The following FAHD1 variants were observed in gnomAD, a reference collection of about 807,000 sequenced individuals.
The protein encoded by FAHD1 is FAH domain containing oxaloacetate decarboxylase 1.
FAHD1 carries 14 observed loss-of-function variants against 12.7 expected under a neutral mutation model. The observed-to-expected ratio is 1.10, with a 90% CI of 0.73 to 1.72. The LOEUF is 1.72. Among genes scored for constraint, FAHD1 ranks in the 40% most tolerant of loss-of-function variants. FAHD1 has a pLI of 0.00. For missense variants in FAHD1, 351 were observed against 298.9 expected (o/e 1.17, Z -1.29); for synonymous variants, 153 against 124.9 (o/e 1.22, Z -1.50).
exon 1 of FAHD1, chr16:1,827,316 C>T (rs762073854): frequency 5.0e-6 from 8 of 1,613,106 alleles, no homozygotes; most frequent in African/African-American, 1.3e-5. Context: ...ACTACGCGGA[C>T]CACGTCAGGG....
chr16:1,827,905 G>C (rs779894104), exon 1 of FAHD1: 23 of 1,610,224 alleles, frequency 1.4e-5, no homozygotes. Context: ...AGAATATTGA[G>C]TTATTTCTTA....
downstream of FAHD1, among the ~76,000 whole-genome samples, chr16:1,832,468 G>C (rs1001209037): frequency 8.7e-5 from 13 of 149,632 alleles, no homozygotes; most frequent in African/African-American, 3.2e-4. Flanking sequence ...ACCGCGCCTG[G>C]CCTATTTTCC....
At chr16:1,837,867 G>A in intron 1 of FAHD1, 3 of 1,505,070 alleles carry the variant, frequency 2.0e-6, no homozygotes, top group Non-Finnish European at 2.7e-6. Flanking sequence ...AGAAACTCAT[G>A]TACCTGGTTA....
chr16:1,828,797 C>A, exon 1 of FAHD1: 2 of 996,772 alleles, frequency 2.0e-6, no homozygotes, highest in Non-Finnish European at 2.4e-6. Flanking sequence ...AATAAGTGAA[C>A]AAGTAATGAA....
chr16:1,836,845 T>C (rs965011936), intron 1 of FAHD1, among the ~76,000 whole-genome samples: 3 of 152,216 alleles, frequency 2.0e-5, no homozygotes, highest in African/African-American at 7.2e-5. Flanking sequence ...ATGTGTGCTC[T>C]AGAATGTTTT....
intron 1 of FAHD1, among the ~76,000 whole-genome samples, chr16:1,836,766 A>C (rs954566986): frequency 1.4e-5 from 2 of 147,194 alleles, no homozygotes; most frequent in African/African-American, 4.9e-5. Context: ...TCATAATAAC[A>C]CTAATTCTCT....
At chr16:1,836,300 C>G (rs1297692251) in intron 1 of FAHD1, among the ~76,000 whole-genome samples, 1 of 152,202 alleles carries the variant, frequency 6.6e-6, no homozygotes, top group East Asian at 1.9e-4. Context: ...CCTGGAACAT[C>G]TGTTACACAC....
rs140912036 is a variant in FAHD1 at position 1,834,940 on chromosome 16, A to ACC, written c.628-3068_628-3067dup. On this transcript the variant is annotated intron_variant, in intron 1 of 2. Coordinates refer to the FAHD1 transcript ENST00000382666. ...ACTAGAGCGAAACTCTGTCCCCCCC[A>ACC]CCCCCCCCCACTAAAAAAAATGTCT... Among the ~76,000 whole-genome samples the ACC allele has an allele frequency of 4.3e-3, 420 of 98,566 alleles. 6 individuals carry two copies. In the East Asian group the frequency reaches 0.084, roughly 20 times the overall value. The allele number at this position is 98,566 out of a possible 152,430, so 64.7% of individuals were successfully genotyped here. A position where few individuals can be genotyped will look rare whatever the true frequency, so the allele number is the denominator to read the frequency against.
chr16:1,829,737 A>G (rs994249504), downstream of FAHD1, among the ~76,000 whole-genome samples: 19 of 152,222 alleles, frequency 1.2e-4, no homozygotes, highest in African/African-American at 4.3e-4. Context: ...ACAAAACACC[A>G]AAAATTTCAT....
chr16:1,831,514 C>T (rs1019772596), downstream of FAHD1, among the ~76,000 whole-genome samples: 7 of 152,142 alleles, frequency 4.6e-5, no homozygotes, highest in Admixed American at 1.3e-4. Flanking sequence ...AATTTTCTGA[C>T]CCTCATAGAA....
At chr16:1,831,053 T>A (rs1410717036), downstream of FAHD1, among the ~76,000 whole-genome samples, 2 of 152,174 alleles carry the variant, frequency 1.3e-5, no homozygotes, top group South Asian at 4.1e-4. Flanking sequence ...GAGACCATTA[T>A]CACGCTTAAG....
chr16:1,827,675 G>T, exon 1 of FAHD1: 1 of 1,614,116 alleles, frequency 6.2e-7, no homozygotes, highest in Non-Finnish European at 8.5e-7. Flanking sequence ...CTGAAGCTCT[G>T]GCTCAAGGTC....
At chr16:1,832,867 C>T (rs572157486), downstream of FAHD1, among the ~76,000 whole-genome samples, 3 of 152,270 alleles carry the variant, frequency 2.0e-5, no homozygotes, top group South Asian at 6.2e-4. Context: ...ACAACTAGGT[C>T]AAGTCGTTCA....
exon 1 of FAHD1, chr16:1,828,324 G>A (rs1898553593): frequency 6.0e-6 from 6 of 993,980 alleles, no homozygotes; most frequent in Non-Finnish European, 7.3e-6. Context: ...TGATTAGATT[G>A]CTATGCCTCA....
At chr16:1,839,218 G>T in intron 2 of FAHD1, 1 of 1,515,142 alleles carries the variant, frequency 6.6e-7, no homozygotes, top group South Asian at 1.3e-5. Context: ...ATTCACTTTG[G>T]AAATATTCTA....
At position 1,827,552 on chromosome 16, in the gene FAHD1, T is replaced by C. The variant is rs1358721302; in HGVS notation, c.314T>C (p.Val105Ala). 1.9e-6 allele frequency: 3 copies of C among 1,613,272 alleles called. No individual in the cohort carries two copies. Among genetic ancestry groups the C allele is most frequent in the Non-Finnish European group, 2.5e-6 (3 of 1,180,018 alleles). ...TGCCTGGATATGACCGCCCGGGACG[T>C]GCAGGACGAGTGCAAGAAGAAGGGG... Residue 105 changes from valine to alanine, a missense_variant, in exon 1 of 1, where the codon GTG (valine) becomes GCG (alanine). Transcript: ENST00000427358.
exon 1 of FAHD1, chr16:1,827,862 G>A (rs1461647140): frequency 3.1e-6 from 5 of 1,613,936 alleles, no homozygotes; most frequent in Non-Finnish European, 3.4e-6. Context: ...GCATACACGG[G>A]CTGGTCAGTA....
chr16:1,827,706 G>C, exon 1 of FAHD1: 1 of 1,614,160 alleles, frequency 6.2e-7, no homozygotes, highest in Non-Finnish European at 8.5e-7. Flanking sequence ...TCAGACAGGA[G>C]GGTGAGACAT....
chr16:1,833,021 T>C (rs567002910), downstream of FAHD1, among the ~76,000 whole-genome samples: 23 of 152,206 alleles, frequency 1.5e-4, no homozygotes, highest in Admixed American at 1.3e-3. Flanking sequence ...ATATACTCAC[T>C]TTTTCCTTTT....
Sources: allele counts gnomAD v4.1 joint callset (sites outside exome capture counted in the v4.1 genomes callset), GRCh38; gene constraint gnomAD v4.1.1; transcripts MANE v1.5; gene names NCBI Gene and HGNC (gene_info 2026-07-23, HGNC 2026-07-21).